OPA3: variants seen among roughly 807,000 people sequenced by gnomAD.
The protein encoded by OPA3 is outer mitochondrial membrane lipid metabolism regulator OPA3.
OPA3 carries 6 observed loss-of-function variants against 4.0 expected under a neutral mutation model. The observed-to-expected ratio is 1.51, with a 90% CI of 0.83 to 2.99. The LOEUF (loss-of-function observed/expected upper bound fraction) is 2.99, where lower values mean the gene tolerates loss of function less well. Ranked by LOEUF, OPA3 falls within the 30% of genes most tolerant of loss-of-function variation. The probability of loss-of-function intolerance (pLI) is 0.00; values close to 1 mark genes in which losing one functional copy is unlikely to be tolerated. For synonymous variants in OPA3, 105 were observed against 117.1 expected (o/e 0.90, Z 0.67); for missense variants, 235 against 256.2 (o/e 0.92, Z 0.56).
At chr19:45,529,036 G>T in exon 2 of OPA3, 1 of 1,595,484 alleles carries the variant, frequency 6.3e-7, no homozygotes. Context: ...TCACCTCCAA[G>T]ACCAGGGCCC....
At chr19:45,544,580 A>G (rs972609796), downstream of OPA3, among the ~76,000 whole-genome samples, 1 of 152,178 alleles carries the variant, frequency 6.6e-6, no homozygotes, top group Non-Finnish European at 1.5e-5. Context: ...GGATCACCTG[A>G]GGTCGGGAGT....
chr19:45,574,475 T>C (rs536505763), intron 1 of OPA3, among the ~76,000 whole-genome samples: 2 of 151,286 alleles, frequency 1.3e-5, no homozygotes, highest in South Asian at 4.2e-4. Flanking sequence ...CAGATGGGCA[T>C]GTCCCGGGCC....
intron 1 of OPA3, among the ~76,000 whole-genome samples, chr19:45,530,752 C>T (rs981711490): frequency 1.3e-5 from 2 of 151,572 alleles, no homozygotes; most frequent in African/African-American, 4.8e-5. Flanking sequence ...AGCCACCATG[C>T]CCAGCCTTTA....
intron 1 of OPA3, among the ~76,000 whole-genome samples, chr19:45,581,666 T>C (rs1028035201): frequency 2.6e-5 from 4 of 152,218 alleles, no homozygotes; most frequent in Non-Finnish European, 5.9e-5. Context: ...AATGAATGGA[T>C]GGAGGGATGA....
At chr19:45,561,112 T>A (rs1206928814) in intron 1 of OPA3, among the ~76,000 whole-genome samples, 1 of 152,108 alleles carries the variant, frequency 6.6e-6, no homozygotes, top group African/African-American at 2.4e-5. Context: ...GGTGGGTGGA[T>A]CACCTGAGGT....
chr19:45,564,027 C>A (rs935466256), intron 1 of OPA3, among the ~76,000 whole-genome samples: 2 of 152,036 alleles, frequency 1.3e-5, no homozygotes, highest in Non-Finnish European at 2.9e-5. Context: ...AAAAATCAAA[C>A]AAGCCACCTT....
At chr19:45,569,529 T>C (rs1395478298) in intron 1 of OPA3, among the ~76,000 whole-genome samples, 1 of 152,088 alleles carries the variant, frequency 6.6e-6, no homozygotes, top group Non-Finnish European at 1.5e-5. Flanking sequence ...TATTATTCTC[T>C]ACTGTCTTAG....
At chr19:45,580,898 G>A (rs1433347650) in intron 1 of OPA3, among the ~76,000 whole-genome samples, 3 of 152,152 alleles carry the variant, frequency 2.0e-5, no homozygotes, top group African/African-American at 4.8e-5. Flanking sequence ...TTACAGGCAT[G>A]AGCCACTGCG....
rs1969904812 is a variant in OPA3, at chr19:45,584,607, T to C, written c.142+16A>G. The C allele has an allele frequency of 1.9e-6, 3 of 1,614,018 alleles. No homozygotes were observed. The highest frequency in any genetic ancestry group is 3.3e-5 in the Admixed American group (2 of 59,998). ...GAGAAAGGAAAAAGGTTGGAGGGAA[T>C]TCGGGTCAGACTCACGTTGAGCCGG... On this transcript the variant is annotated intron_variant, in intron 1 of 1. Coordinates refer to ENST00000263275, the MANE Select transcript of OPA3 (RefSeq NM_025136.4).
Position 45,548,117 on chromosome 19 carries a change from A to T in OPA3, c.*5397T>A. On this transcript the variant is annotated 3_prime_UTR_variant, in exon 2 of 2. Transcript: ENST00000263275. The stretch of plus-strand genomic sequence containing the variant: ...GAGCCTGGTGCAGTTGATCCTCAGT[A>T]CACTCAGAGTTGCCATGCTTCTCCT... The T allele has an allele frequency of 2.0e-6, 2 of 985,514 alleles. No individual in the cohort carries two copies. Among genetic ancestry groups the T allele is most frequent in the Non-Finnish European group, 2.4e-6 (2 of 829,950 alleles). 61.0% of individuals were successfully genotyped at this position (985,514 alleles called of 1,614,324 possible).
chr19:45,550,795 A>G lies in OPA3; in HGVS notation c.*2719T>C, dbSNP rs1409225544. The G allele has an allele frequency of 1.0e-6, 1 of 985,884 alleles. No individual in the cohort carries two copies. The highest frequency in any genetic ancestry group is 1.1e-4 in the East Asian group (1 of 8,810). 61.1% of individuals were successfully genotyped at this position (985,884 alleles called of 1,614,324 possible). A position where few individuals can be genotyped will look rare whatever the true frequency, so the allele number is the denominator to read the frequency against. Reference sequence around the variant, plus strand: ...GCCTTCATCACCTTGCAGCTCCTCTAATGAGAGAGCTACAGTCGGAAGGAC... The same window carrying G: ...GCCTTCATCACCTTGCAGCTCCTCTGATGAGAGAGCTACAGTCGGAAGGAC... On this transcript the variant is annotated 3_prime_UTR_variant, in exon 2 of 2. Coordinates refer to ENST00000263275, the MANE Select transcript of OPA3 (RefSeq NM_025136.4).
chr19:45,553,178 G>A lies in OPA3; in HGVS notation c.*336C>T. On this transcript the variant is annotated 3_prime_UTR_variant, in exon 2 of 2. Coordinates refer to ENST00000263275, the MANE Select transcript of OPA3 (RefSeq NM_025136.4). ...CTGATCAGGTAAACCGGGGGTGGGG[G>A]TAACAATAACACATTGATTCAGCTC... 7.7e-7 allele frequency: 1 copy of A among 1,298,778 alleles called. No homozygotes were observed. The highest frequency in any genetic ancestry group is 9.8e-7 in the Non-Finnish European group (1 of 1,016,040). 80.5% of individuals were successfully genotyped at this position (1,298,778 alleles called of 1,614,324 possible).
intron 1 of OPA3, among the ~76,000 whole-genome samples, chr19:45,537,420 A>C (rs1302487757): frequency 6.6e-6 from 1 of 150,920 alleles, no homozygotes; most frequent in East Asian, 1.9e-4. Flanking sequence ...AAAAAAAAAA[A>C]AACAAGAAAA....
At chr19:45,581,266 C>T (rs1326529217) in intron 1 of OPA3, among the ~76,000 whole-genome samples, 1 of 152,110 alleles carries the variant, frequency 6.6e-6, no homozygotes, top group African/African-American at 2.4e-5. Flanking sequence ...CCAAGAATTC[C>T]GGGCCCTGGA....
intron 1 of OPA3, among the ~76,000 whole-genome samples, chr19:45,570,845 AGAGT>A (rs1333400008): frequency 6.7e-6 from 1 of 150,258 alleles, no homozygotes; most frequent in East Asian, 2.0e-4. Flanking sequence ...CCTGGGCGAC[AGAGT>A]GAGACTCTGT....
In OPA3 at chr19:45,540,087, G is replaced by C. The variant is rs193170306; in HGVS notation, c.143-10631C>G. ...TAATCCCAGCACTTTGGGAGGCCGA[G>C]GCAGGTGGATCACGAGCTCAGGAGA... On this transcript the variant is annotated intron_variant, in intron 1 of 1. Transcript: ENST00000323060. 9.7e-4 allele frequency among the ~76,000 whole-genome samples: 148 copies of C among 152,186 alleles called. 1 individual carries two copies. The highest frequency in any genetic ancestry group is 3.5e-3 in the African/African-American group (145 of 41,524).
chr19:45,576,002 G>T (rs1439531311), intron 1 of OPA3, among the ~76,000 whole-genome samples: 1 of 152,226 alleles, frequency 6.6e-6, no homozygotes, highest in Non-Finnish European at 1.5e-5. Context: ...GGGAGGCCAA[G>T]GCGGGTGGAT....
intron 1 of OPA3, among the ~76,000 whole-genome samples, chr19:45,561,411 C>T (rs1328188709): frequency 6.6e-6 from 1 of 152,142 alleles, no homozygotes; most frequent in Non-Finnish European, 1.5e-5. Flanking sequence ...ATGGCTGCTT[C>T]CTTGTAAAAT....
At chr19:45,538,902 G>C (rs144365259) in intron 1 of OPA3, among the ~76,000 whole-genome samples, 2,870 of 152,252 alleles carry the variant, frequency 0.019, 64 homozygotes, top group South Asian at 0.096. Flanking sequence ...AGAAATTCCT[G>C]AGAATGGGTA....
Sources: gnomAD v4.1 joint callset for allele counts (sites outside exome capture counted in the v4.1 genomes callset) on GRCh38, gnomAD v4.1.1 for gene constraint, MANE v1.5 for transcripts, NCBI Gene and HGNC (gene_info 2026-07-23, HGNC 2026-07-21) for gene names.